Variants in CCSER2 observed in about 807,000 individuals in gnomAD.
The protein encoded by CCSER2 is serine-rich coiled-coil domain-containing protein 2.
Under a neutral mutation model 92.3 loss-of-function variants are expected in CCSER2, and 46 were observed. The ratio of observed to expected loss-of-function variants is 0.50; its 90% CI spans 0.39 to 0.64. CCSER2 has a LOEUF of 0.64. CCSER2 is among the 30% of genes least tolerant of loss of function. The pLI, the probability that CCSER2 is intolerant of heterozygous loss-of-function variation, is 0.00. For missense variants in CCSER2, 1,244 were observed against 1,238.9 expected (o/e 1.00, Z -0.06); for synonymous variants, 433 against 431.4 (o/e 1.00, Z -0.04).
At chr10:84,437,368 A>C (rs2133501525) in intron 5 of CCSER2, among the ~76,000 whole-genome samples, 1 of 152,188 alleles carries the variant, frequency 6.6e-6, no homozygotes, top group South Asian at 2.1e-4. Flanking sequence ...AAATACAAAA[A>C]TTAGGCATGA....
intron 5 of CCSER2, among the ~76,000 whole-genome samples, chr10:84,432,203 G>A (rs999914865): frequency 3.9e-5 from 6 of 151,970 alleles, no homozygotes; most frequent in African/African-American, 1.5e-4. Flanking sequence ...ATCTTCTTTG[G>A]TGATGTGTCT....
intron 3 of CCSER2, among the ~76,000 whole-genome samples, chr10:84,406,830 G>T (rs187090310): frequency 6.6e-6 from 1 of 152,298 alleles, no homozygotes; most frequent in Admixed American, 6.5e-5. Flanking sequence ...CTCTTTTCCT[G>T]TAAAAATGCA....
At chr10:84,404,259 A>G (rs1842265347) in intron 3 of CCSER2, among the ~76,000 whole-genome samples, 2 of 152,108 alleles carry the variant, frequency 1.3e-5, no homozygotes, top group African/African-American at 4.8e-5. Flanking sequence ...CACTATGCCA[A>G]CCCCTTCGAA....
At chr10:84,462,417 A>G (rs1371451953) in intron 6 of CCSER2, among the ~76,000 whole-genome samples, 1 of 152,166 alleles carries the variant, frequency 6.6e-6, no homozygotes, top group East Asian at 1.9e-4. Flanking sequence ...AGATATTTGG[A>G]AATAATTCAA....
chr10:84,515,552 C>G lies in CCSER2; in HGVS notation c.*1285C>G, dbSNP rs1306797152. 6.6e-6 allele frequency: 1 copy of G among 152,292 alleles called. No homozygotes were observed. The highest frequency in any genetic ancestry group is 1.9e-4 in the East Asian group (1 of 5,206). The allele number at this position is 152,292 out of a possible 1,614,324, so 9.4% of individuals were successfully genotyped here. On this transcript the variant is annotated 3_prime_UTR_variant, in exon 10 of 10. Coordinates refer to ENST00000372088, the MANE Select transcript of CCSER2 (RefSeq NM_001284240.2). The stretch of plus-strand genomic sequence containing the variant: ...TGCCTCCCGGGTTCAAGCGATTCTC[C>G]TGCCTCAGCCTCCTGAGTAGCTGGG...
Position 84,365,568 on chromosome 10 carries a change from A to C in CCSER2, c.-39-5446A>C, listed in dbSNP as rs141611892. On this transcript the variant is annotated intron_variant, in intron 1 of 9. Coordinates refer to ENST00000372088, the MANE Select transcript of CCSER2 (RefSeq NM_001284240.2). Reference sequence around the variant, plus strand: ...GTACATTTAGAAATCGTTATTCTTCATAGAGAATAGCACATTCAGGTTCTA... The same window carrying C: ...GTACATTTAGAAATCGTTATTCTTCCTAGAGAATAGCACATTCAGGTTCTA... 4.6e-3 allele frequency among the ~76,000 whole-genome samples: 694 copies of C among 152,340 alleles called. 2 individuals are homozygous for C. The highest frequency in any genetic ancestry group is 8.0e-3 in the Non-Finnish European group (545 of 68,032).
intron 5 of CCSER2, among the ~76,000 whole-genome samples, chr10:84,428,985 G>GTATATA (rs60243946): frequency 0.019 from 2,669 of 140,622 alleles, 62 homozygotes; most frequent in African/African-American, 0.056. Flanking sequence ...GTGTGTATGT[G>GTATATA]TATATATATA....
intron 7 of CCSER2, among the ~76,000 whole-genome samples, chr10:84,466,653 C>T (rs1846456055): frequency 6.6e-6 from 1 of 151,264 alleles, no homozygotes; most frequent in African/African-American, 2.4e-5. Context: ...TACAGGCGCC[C>T]GCCGCCACGC....
rs1564684727 is a variant in CCSER2, at chr10:84,457,285, ATT to A, written c.2065-6647_2065-6646del. Among the ~76,000 whole-genome samples, 17 of 79,382 alleles carry A rather than the reference ATT, an allele frequency of 2.1e-4. 1 individual carries two copies. The highest frequency in any genetic ancestry group is 1.7e-3 in the South Asian group (6 of 3,524). The allele number at this position is 79,382 out of a possible 152,430, so 52.1% of individuals were successfully genotyped here. A position where few individuals can be genotyped will look rare whatever the true frequency, so the allele number is the denominator to read the frequency against. ...ATATATTATATATAATATATTATAT[ATT>A]ATATATTATATATAATATGTTATAT... On this transcript the variant is annotated intron_variant, in intron 6 of 9. Coordinates refer to ENST00000372088, the MANE Select transcript of CCSER2 (RefSeq NM_001284240.2).
intron 3 of CCSER2, among the ~76,000 whole-genome samples, chr10:84,397,854 G>A (rs1489238050): frequency 6.6e-6 from 1 of 152,144 alleles, no homozygotes; most frequent in Non-Finnish European, 1.5e-5. Flanking sequence ...CCTTTGTAAG[G>A]CATCACAGAA....
chr10:84,331,592 G>A (rs943071358), intron 1 of CCSER2, among the ~76,000 whole-genome samples: 6 of 152,182 alleles, frequency 3.9e-5, no homozygotes, highest in African/African-American at 1.4e-4. Context: ...GCTTGTCTGT[G>A]AGAGGAGCCT....
rs764633197 is a variant in CCSER2, at chr10:84,438,647, G to T, written c.2004G>T (p.Met668Ile). ...VILDEMTLRHMVQDCTAVKTQ... is the reference protein window; with the variant it reads ...VILDEMTLRHIVQDCTAVKTQ... ...TGGATGAGATGACCCTTCGGCACAT[G>T]GTTCAGGATTGCACTGCTGTAAAAA... The change falls in exon 6 of 10, where the codon ATG (methionine) becomes ATT (isoleucine). Residue 668 changes from methionine to isoleucine, a missense_variant. Coordinates refer to ENST00000372088, the MANE Select transcript of CCSER2 (RefSeq NM_001284240.2). 6.2e-7 allele frequency: 1 copy of T among 1,613,774 alleles called. No homozygotes were observed. The highest frequency in any genetic ancestry group is 1.3e-5 in the African/African-American group (1 of 75,036).
intron 1 of CCSER2, among the ~76,000 whole-genome samples, chr10:84,332,432 A>T (rs201571509): frequency 0.26 from 18,806 of 72,450 alleles, 3,096 homozygotes; most frequent in East Asian, 0.46. Context: ...ATATATATAT[A>T]TATATTTTTT....
At chr10:84,338,223 G>A (rs1264708618) in intron 1 of CCSER2, among the ~76,000 whole-genome samples, 2 of 151,292 alleles carry the variant, frequency 1.3e-5, no homozygotes, top group South Asian at 2.1e-4. Flanking sequence ...GGCAGAGGTT[G>A]CAGTGAGCCG....
At chr10:84,451,374 G>T (rs1344506132) in intron 6 of CCSER2, among the ~76,000 whole-genome samples, 2 of 151,316 alleles carry the variant, frequency 1.3e-5, no homozygotes, top group Non-Finnish European at 2.9e-5. Flanking sequence ...TCAAACTTCT[G>T]GCTTCGAATG....
chr10:84,464,987 A>T (rs1237936977), intron 7 of CCSER2, among the ~76,000 whole-genome samples: 1 of 152,140 alleles, frequency 6.6e-6, no homozygotes, highest in Admixed American at 6.5e-5. Context: ...TACAGTAGTC[A>T]ATCTCATTCT....
chr10:84,503,043 T>A (rs1323436824), intron 9 of CCSER2, among the ~76,000 whole-genome samples: 1 of 151,906 alleles, frequency 6.6e-6, no homozygotes, highest in Non-Finnish European at 1.5e-5. Context: ...GTTAACACGG[T>A]GAAACCGCAT....
intron 6 of CCSER2, among the ~76,000 whole-genome samples, chr10:84,457,332 ATAT>A (rs1845764978): frequency 4.2e-5 from 2 of 47,326 alleles, no homozygotes; most frequent in Non-Finnish European, 8.5e-5. Flanking sequence ...TATATATAAT[ATAT>A]TATATATTAT....
intron 1 of CCSER2, among the ~76,000 whole-genome samples, chr10:84,358,667 C>T (rs34448097): frequency 0.18 from 26,702 of 146,002 alleles, 2,521 homozygotes; most frequent in Admixed American, 0.26. Context: ...TATACATATA[C>T]ATATATGTAT....
Sources: gnomAD v4.1 joint callset for allele counts (sites outside exome capture counted in the v4.1 genomes callset) on GRCh38, gnomAD v4.1.1 for gene constraint, MANE v1.5 for transcripts, NCBI Gene and HGNC (gene_info 2026-07-23, HGNC 2026-07-21) for gene names.